Variants in ZNF2 observed in about 807,000 individuals in gnomAD.
ZNF2 encodes zinc finger protein 2.
In ZNF2, 12 loss-of-function variants were observed where a neutral mutation model predicts 21.9. The ratio of observed to expected loss-of-function variants is 0.55; its 90% CI spans 0.35 to 0.89. ZNF2 has a LOEUF of 0.89. ZNF2 is among the 40% of genes least tolerant of loss of function. The probability of loss-of-function intolerance (pLI) is 0.01; values close to 1 mark genes in which losing one functional copy is unlikely to be tolerated. For synonymous variants in ZNF2, 186 were observed against 196.3 expected (o/e 0.95, Z 0.44); for missense variants, 462 against 544.2 (o/e 0.85, Z 1.50).
intron 1 of ZNF2, among the ~76,000 whole-genome samples, chr2:95,172,851 G>T (rs1443109820): frequency 1.3e-5 from 2 of 151,408 alleles, no homozygotes; most frequent in African/African-American, 2.4e-5. Flanking sequence ...TGGCCAAGCT[G>T]GTCTTGAACT....
chr2:95,177,424 G>A, intron 2 of ZNF2, 59 bp from the exon 3 acceptor site: 1 of 1,574,904 alleles, frequency 6.3e-7, no homozygotes, highest in East Asian at 2.3e-5. Context: ...TGACATTTTT[G>A]GTCTGGTCCA....
intron 4 of ZNF2, 169 bp from the exon 5 acceptor site, chr2:95,180,934 C>G: frequency 1.3e-6 from 1 of 746,680 alleles, no homozygotes; most frequent in Non-Finnish European, 2.2e-6. Context: ...CTGTTCCCTG[C>G]CACCTTCTTC....
rs4854210 is a variant in ZNF2 at position 95,181,350 on chromosome 2, A to G, written c.522A>G (p.Glu174=). The G allele has an allele frequency of 1.2e-5, 19 of 1,614,086 alleles. No homozygotes were observed. In the Admixed American group the frequency reaches 2.5e-4, roughly 21 times the overall value. Residue 174 remains glutamate (E), a synonymous_variant, in exon 5 of 5, where the codon GAA becomes GAG. Coordinates refer to ENST00000614034, the MANE Select transcript of ZNF2 (RefSeq NM_021088.4). ...REILTKERHQ[E]CSDCGKTFFD... is the part of the protein sequence containing the mutation. ...TTCTCACTAAAGAGAGACACCAGGAATGCAGTGACTGTGGGAAGACCTTTT... is the reference window on the plus strand; with the variant it reads ...TTCTCACTAAAGAGAGACACCAGGAGTGCAGTGACTGTGGGAAGACCTTTT...
At chr2:95,169,246 C>T (rs1410272178) in intron 1 of ZNF2, among the ~76,000 whole-genome samples, 1 of 152,186 alleles carries the variant, frequency 6.6e-6, no homozygotes, top group East Asian at 1.9e-4. Flanking sequence ...TGTTCACCAC[C>T]ATTTGTAATT....
At chr2:95,177,247 A>C (rs1244502171) in intron 2 of ZNF2, among the ~76,000 whole-genome samples, 1 of 152,218 alleles carries the variant, frequency 6.6e-6, no homozygotes, top group Non-Finnish European at 1.5e-5. Context: ...GTCTGAAAAA[A>C]GAGTCTGATA....
In ZNF2 at chr2:95,177,504, G is replaced by A. The variant is rs774098628; in HGVS notation, c.55G>A (p.Val19Ile). 3 of 1,614,090 alleles carry A rather than the reference G, an allele frequency of 1.9e-6. No individual in the cohort carries two copies. Among genetic ancestry groups the A allele is most frequent in the Non-Finnish European group, 2.5e-6 (3 of 1,179,996 alleles). ...RCQESVTFED[V>I]AVVFTDEEWS... ...TCAGGAATCAGTGACATTCGAAGAC[G>A]TTGCCGTGGTTTTCACAGATGAAGA... is the stretch of plus-strand genomic sequence containing the variant. The change falls in exon 3 of 5, where the codon GTT (valine) becomes ATT (isoleucine). Residue 19 changes from valine (V) to isoleucine (I), a missense_variant. Physicochemically the swap from Val to Ile is conservative, Grantham distance 29. Transcript: ENST00000614034.
At chr2:95,176,164 C>T (rs371003477) in intron 1 of ZNF2, 24 bp from the exon 2 acceptor site, 3 of 1,603,196 alleles carry the variant, frequency 1.9e-6, no homozygotes, top group East Asian at 2.2e-5. Flanking sequence ...CCTTCTTTCT[C>T]ACCCCCCACT....
chr2:95,178,573 T>G (rs941673041), intron 3 of ZNF2, among the ~76,000 whole-genome samples: 1 of 152,112 alleles, frequency 6.6e-6, no homozygotes. Flanking sequence ...GAAAACCCGG[T>G]AGACAATCCT....
At chr2:95,171,300 T>C (rs1674257780) in intron 1 of ZNF2, among the ~76,000 whole-genome samples, 1 of 152,138 alleles carries the variant, frequency 6.6e-6, no homozygotes, top group Admixed American at 6.6e-5. Flanking sequence ...CCATGCCGCA[T>C]TGGTAACCCG....
Position 95,182,251 on chromosome 2 carries a change from C to T in ZNF2, c.*145C>T. ...TCTGCGCCAGAGTGTTTAATAAGCA[C>T]TCCCTTCCTGCTGTGTTATAGAACT... On this transcript the variant is annotated 3_prime_UTR_variant, in exon 5 of 5. Transcript: ENST00000614034. 1 of 1,013,002 alleles carries T rather than the reference C, an allele frequency of 9.9e-7. No individual in the cohort carries two copies. The highest frequency in any genetic ancestry group is 1.4e-6 in the Non-Finnish European group (1 of 706,638). 62.8% of individuals were successfully genotyped at this position (1,013,002 alleles called of 1,614,324 possible).
intron 1 of ZNF2, among the ~76,000 whole-genome samples, chr2:95,166,347 A>G (rs543024526): frequency 1.3e-5 from 2 of 152,258 alleles, no homozygotes; most frequent in African/African-American, 4.8e-5. Context: ...CGAAAGAAGC[A>G]GCTAAGCGTT....
rs1360782140 is a variant in ZNF2 at position 95,182,948 on chromosome 2, A to G, written c.*842A>G. On this transcript the variant is annotated 3_prime_UTR_variant, in exon 5 of 5. Transcript: ENST00000614034. ...CACAGTGCCTTGCTAATAGGTGCTC[A>G]ATAAATATTTATATGAGTGAATGAC... is the stretch of plus-strand genomic sequence containing the variant. The G allele has an allele frequency of 6.6e-6, 1 of 152,228 alleles. No homozygotes were observed. The highest frequency in any genetic ancestry group is 1.5e-5 in the Non-Finnish European group (1 of 68,052). The allele number at this position is 152,228 out of a possible 1,614,324, so 9.4% of individuals were successfully genotyped here.
At chr2:95,166,038 G>A (rs1381703652) in intron 1 of ZNF2, among the ~76,000 whole-genome samples, 178 bp downstream of exon 1, 1 of 152,158 alleles carries the variant, frequency 6.6e-6, no homozygotes, top group Non-Finnish European at 1.5e-5. Flanking sequence ...ATCCACCCCC[G>A]TGTGTGCGTG....
At position 95,180,659 on chromosome 2, in the gene ZNF2, C is replaced by T. The variant is rs565929399; in HGVS notation, c.274+387C>T. Reference sequence around the variant, plus strand: ...CCAAGTAGCTGGGATTACAGGCACCCGCTACCACGCCTGGATAATTTTTGT... The same window carrying T: ...CCAAGTAGCTGGGATTACAGGCACCTGCTACCACGCCTGGATAATTTTTGT... On this transcript the variant is annotated intron_variant, in intron 4 of 4. Coordinates refer to ENST00000614034, the MANE Select transcript of ZNF2 (RefSeq NM_021088.4). Among the ~76,000 whole-genome samples the T allele has an allele frequency of 9.9e-5, 15 of 152,178 alleles. No individual in the cohort carries two copies. The East Asian group carries it at 1.2e-3, about 12-fold the overall frequency.
Position 95,182,472 on chromosome 2 carries a change from T to C in ZNF2, c.*366T>C. 5.7e-6 allele frequency: 1 copy of C among 176,290 alleles called. No individual in the cohort carries two copies. The highest frequency in any genetic ancestry group is 1.2e-5 in the Non-Finnish European group (1 of 82,836). 10.9% of individuals were successfully genotyped at this position (176,290 alleles called of 1,614,324 possible). On this transcript the variant is annotated 3_prime_UTR_variant, in exon 5 of 5. Coordinates refer to ENST00000614034, the MANE Select transcript of ZNF2 (RefSeq NM_021088.4). ...ATCACAGCAGTACTATTTTTTTTTT[T>C]CAGAACATTTGTTTTGATGGCTGTT... is the stretch of plus-strand genomic sequence containing the variant.
At chr2:95,180,078 G>C (rs1674585337) in intron 3 of ZNF2, 81 bp from the exon 4 acceptor site, 5 of 984,414 alleles carry the variant, frequency 5.1e-6, no homozygotes, top group Admixed American at 1.9e-5. Flanking sequence ...AAAAATCTTA[G>C]AGGCTGGGAT....
In ZNF2 at chr2:95,182,016, C is replaced by G; in HGVS notation, c.1188C>G (p.Pro396=). Residue 396 remains proline, a synonymous_variant, in exon 5 of 5, where the codon CCC becomes CCG. Transcript: ENST00000614034. The part of the protein sequence containing the change: ...RHQRVHTGEK[P]FECTVCGKVF... Reference sequence around the variant, plus strand: ...AGCGTGTCCACACGGGAGAGAAGCCCTTTGAATGCACTGTGTGTGGGAAAG... The same window carrying G: ...AGCGTGTCCACACGGGAGAGAAGCCGTTTGAATGCACTGTGTGTGGGAAAG... The G allele has an allele frequency of 1.9e-6, 3 of 1,614,272 alleles. No individual in the cohort carries two copies. The highest frequency in any genetic ancestry group is 2.5e-6 in the Non-Finnish European group (3 of 1,180,050).
rs1674788198 is a variant in ZNF2, at chr2:95,184,251, T to C, written c.*2145T>C. On this transcript the variant is annotated 3_prime_UTR_variant, in exon 5 of 5. Transcript: ENST00000614034. Reference sequence around the variant, plus strand: ...GAGGAAAAACACATAACAGAATCTATAGGTGTGGACAATATGTGATATTGC... The same window carrying C: ...GAGGAAAAACACATAACAGAATCTACAGGTGTGGACAATATGTGATATTGC... 6.6e-6 allele frequency: 1 copy of C among 152,144 alleles called. No individual in the cohort carries two copies. Among genetic ancestry groups the C allele is most frequent in the Non-Finnish European group, 1.5e-5 (1 of 68,030 alleles). 9.4% of individuals were successfully genotyped at this position (152,144 alleles called of 1,614,324 possible). A position where few individuals can be genotyped will look rare whatever the true frequency, so the allele number is the denominator to read the frequency against.
chr2:95,180,101 G>T (rs1674586045), intron 3 of ZNF2, 58 bp from the exon 4 acceptor site: 2 of 1,195,982 alleles, frequency 1.7e-6, no homozygotes, highest in Non-Finnish European at 2.5e-6. Flanking sequence ...AGCTTTGGGA[G>T]AGTGATATTA....
Sources: allele counts gnomAD v4.1 joint callset (sites outside exome capture counted in the v4.1 genomes callset), GRCh38; gene constraint gnomAD v4.1.1; transcripts MANE v1.5; gene names NCBI Gene and HGNC (gene_info 2026-07-23, HGNC 2026-07-21).